Variants in MAN1A1 observed in about 807,000 individuals in gnomAD.
The protein encoded by MAN1A1 is mannosidase alpha class 1A member 1.
Under a neutral mutation model 70.8 loss-of-function variants are expected in MAN1A1, and 29 were observed. The observed-to-expected ratio is 0.41, with a 90% CI of 0.31 to 0.56. MAN1A1 has a LOEUF of 0.56. Among genes scored for constraint, MAN1A1 ranks in the 20% least tolerant of loss-of-function variants. The probability of loss-of-function intolerance (pLI) is 0.29; values close to 1 mark genes in which losing one functional copy is unlikely to be tolerated. For synonymous variants in MAN1A1, 349 were observed against 330.1 expected, an observed-to-expected ratio of 1.06 and a Z score of -0.62; for missense variants, 747 against 841.3, an observed-to-expected ratio of 0.89 and a Z score of 1.39.
chr6:119,258,791 G>A (rs1775528744), intron 5 of MAN1A1, among the ~76,000 whole-genome samples: 1 of 152,044 alleles, frequency 6.6e-6, no homozygotes, highest in South Asian at 2.1e-4. Flanking sequence ...TCGGTGAAAT[G>A]TAGAATGATC....
chr6:119,201,586 A>G (rs6918295), intron 7 of MAN1A1, among the ~76,000 whole-genome samples: 130,417 of 152,180 alleles, frequency 0.86, 56,451 homozygotes, highest in Non-Finnish European at 0.91. Flanking sequence ...CAAAGTCACC[A>G]CACTCTTAGA....
chr6:119,205,695 G>C (rs888051266), intron 6 of MAN1A1, among the ~76,000 whole-genome samples: 1 of 152,172 alleles, frequency 6.6e-6, no homozygotes, highest in African/African-American at 2.4e-5. Context: ...TATTTCTGAA[G>C]AGCCACTTAA....
chr6:119,222,664 G>A (rs1278894054), intron 6 of MAN1A1, among the ~76,000 whole-genome samples: 4 of 152,098 alleles, frequency 2.6e-5, no homozygotes, highest in Admixed American at 6.5e-5. Context: ...AACACAAAAT[G>A]ATCTTGATTT....
rs1177574765 is a variant in MAN1A1 at position 119,179,249 on chromosome 6, A to C, written c.*570T>G. ...CATGATCCTTTTGGAATGACTTTCT[A>C]ATTTGAATTACAATGTGAGTGAAGT... On this transcript the variant is annotated 3_prime_UTR_variant, in exon 13 of 13. Transcript: ENST00000368468. 6.6e-6 allele frequency: 1 copy of C among 152,654 alleles called. No individual in the cohort carries two copies. The highest frequency in any genetic ancestry group is 1.5e-5 in the Non-Finnish European group (1 of 68,020). 9.5% of individuals were successfully genotyped at this position (152,654 alleles called of 1,614,324 possible).
chr6:119,316,175 G>GTT lies in MAN1A1; in HGVS notation c.604-9185_604-9184dup, dbSNP rs5879501. On this transcript the variant is annotated intron_variant, in intron 2 of 12. Transcript: ENST00000368468. ...GAGAAAAAGATATTCATTTTTGTGG[G>GTT]TTTTTTTTTTTTTTTTTTTGAGATG... is the stretch of plus-strand genomic sequence containing the variant. 3.9e-3 allele frequency among the ~76,000 whole-genome samples: 458 copies of GTT among 116,148 alleles called. 5 individuals are homozygous for GTT. The highest frequency in any genetic ancestry group is 5.1e-3 in the Middle Eastern group (1 of 196). The allele number at this position is 116,148 out of a possible 152,430, so 76.2% of individuals were successfully genotyped here.
intron 8 of MAN1A1, among the ~76,000 whole-genome samples, chr6:119,196,065 G>A (rs892981761): frequency 1.6e-4 from 24 of 152,226 alleles, no homozygotes; most frequent in African/African-American, 5.5e-4. Flanking sequence ...TCGATGAAGT[G>A]ATAGGAAATG....
intron 6 of MAN1A1, among the ~76,000 whole-genome samples, chr6:119,214,434 G>C (rs1037148318): frequency 2.0e-5 from 3 of 152,126 alleles, no homozygotes; most frequent in Non-Finnish European, 4.4e-5. Context: ...AAATATGTCA[G>C]TGTTGACAGA....
At chr6:119,240,085 A>G (rs1774961466) in intron 6 of MAN1A1, among the ~76,000 whole-genome samples, 1 of 152,142 alleles carries the variant, frequency 6.6e-6, no homozygotes, top group Non-Finnish European at 1.5e-5. Context: ...CTATGGGAAA[A>G]GTAGTGGTCA....
chr6:119,215,294 T>C (rs1562195796), intron 6 of MAN1A1, among the ~76,000 whole-genome samples: 2 of 152,242 alleles, frequency 1.3e-5, no homozygotes, highest in Non-Finnish European at 2.9e-5. Context: ...CTTTCTTCTT[T>C]ATGTTCTGCT....
At chr6:119,284,900 T>C (rs753099348) in intron 5 of MAN1A1, among the ~76,000 whole-genome samples, 2 of 152,334 alleles carry the variant, frequency 1.3e-5, no homozygotes, top group East Asian at 1.9e-4. Flanking sequence ...TTAATTACTA[T>C]ATTAGTCTGT....
At chr6:119,327,702 C>T (rs1165664916) in intron 2 of MAN1A1, among the ~76,000 whole-genome samples, 3 of 152,058 alleles carry the variant, frequency 2.0e-5, no homozygotes, top group African/African-American at 7.2e-5. Flanking sequence ...ATTTTAAGTG[C>T]TCCCACCAAA....
intron 4 of MAN1A1, 52 bp downstream of exon 4, chr6:119,301,936 T>G: frequency 1.0e-6 from 1 of 969,924 alleles, no homozygotes; most frequent in Non-Finnish European, 1.6e-6. Flanking sequence ...ACAGAATTTA[T>G]CCATGTTAAC....
intron 2 of MAN1A1, among the ~76,000 whole-genome samples, chr6:119,318,986 A>C (rs1772928095): frequency 6.6e-6 from 1 of 152,258 alleles, no homozygotes; most frequent in Non-Finnish European, 1.5e-5. Flanking sequence ...TACTCTAAAC[A>C]TTGCCACTAA....
intron 9 of MAN1A1, among the ~76,000 whole-genome samples, chr6:119,191,307 G>T (rs1773436119): frequency 6.6e-6 from 1 of 152,168 alleles, no homozygotes; most frequent in African/African-American, 2.4e-5. Context: ...TACATGGCAA[G>T]AGTAGTAGCT....
At position 119,201,152 on chromosome 6, in the gene MAN1A1, T is replaced by C. The variant is rs549376080; in HGVS notation, c.1210+102A>G. 7.7e-5 allele frequency: 65 copies of C among 845,304 alleles called. No homozygotes were observed. The Middle Eastern group carries it at 1.1e-3, about 15-fold the overall frequency. 52.4% of individuals were successfully genotyped at this position (845,304 alleles called of 1,614,324 possible). A position where few individuals can be genotyped will look rare whatever the true frequency, so the allele number is the denominator to read the frequency against. On this transcript the variant is annotated intron_variant, in intron 8 of 12. Transcript: ENST00000368468. The stretch of plus-strand genomic sequence containing the variant: ...AAGGAGCCATGCCCTTTTCTCCTTT[T>C]CTAAACATTTCTCAACAAAATCTGT...
rs1773819535 is a variant in MAN1A1 at position 119,348,868 on chromosome 6, G to C, written c.198C>G (p.Ser66=). Residue 66 remains serine, a synonymous_variant, in exon 2 of 13, where the codon TCC becomes TCG. Coordinates refer to ENST00000368468, the MANE Select transcript of MAN1A1 (RefSeq NM_005907.4). ...GGAACAGGACCCCGCTGAGCAGCTT[G>C]GAGGAGTCTGGCAGGAAGAAGATCG... The part of the protein sequence containing the change: ...FGAIFFLPDS[S]KLLSGVLFHS... 2.0e-6 allele frequency: 3 copies of C among 1,531,718 alleles called. No individual in the cohort carries two copies. The East Asian group carries it at 8.2e-5, about 42-fold the overall frequency. The allele number at this position is 1,531,718 out of a possible 1,614,324, so 94.9% of individuals were successfully genotyped here.
intron 6 of MAN1A1, among the ~76,000 whole-genome samples, chr6:119,232,717 G>A (rs188090651): frequency 0.037 from 4,764 of 129,556 alleles, 79 homozygotes; most frequent in Middle Eastern, 0.072. Context: ...GTGTGTGTGT[G>A]TATATTTGGA....
chr6:119,318,957 C>G (rs1189046648), intron 2 of MAN1A1, among the ~76,000 whole-genome samples: 1 of 152,170 alleles, frequency 6.6e-6, no homozygotes, highest in Non-Finnish European at 1.5e-5. Flanking sequence ...CTCAATATTA[C>G]TAGCTTGAAT....
chr6:119,330,483 C>T (rs964642747), intron 2 of MAN1A1, among the ~76,000 whole-genome samples: 1 of 152,082 alleles, frequency 6.6e-6, no homozygotes, highest in African/African-American at 2.4e-5. Flanking sequence ...TCTTCACTAC[C>T]CCTTTATGCA....
Sources: gnomAD v4.1 joint callset for allele counts (sites outside exome capture counted in the v4.1 genomes callset) on GRCh38, gnomAD v4.1.1 for gene constraint, MANE v1.5 for transcripts, NCBI Gene and HGNC (gene_info 2026-07-23, HGNC 2026-07-21) for gene names.